TBCK: variants seen among roughly 807,000 people sequenced by gnomAD.
TBCK encodes the protein TBC domain-containing protein kinase-like protein.
TBCK carries 99 observed loss-of-function variants against 113.4 expected under a neutral mutation model. That is an observed-to-expected ratio of 0.87 (90% CI 0.74 to 1.03). The LOEUF (loss-of-function observed/expected upper bound fraction) is 1.03. Ranked by LOEUF, TBCK falls within the 50% of genes least tolerant of loss-of-function variation. The pLI, the probability that TBCK is intolerant of heterozygous loss-of-function variation, is 0.00. For missense variants in TBCK, 1,045 were observed against 1,061.3 expected (o/e 0.98, Z 0.21); for synonymous variants, 369 against 370.8 (o/e 1.00, Z 0.05).
chr4:106,161,074 C>T (rs1749725425), intron 23 of TBCK, among the ~76,000 whole-genome samples: 1 of 151,690 alleles, frequency 6.6e-6, no homozygotes, highest in African/African-American at 2.4e-5. Context: ...GGAATGGGTA[C>T]AGAGGTGCAG....
chr4:106,094,116 T>G (rs1740643790), intron 25 of TBCK, among the ~76,000 whole-genome samples: 1 of 152,228 alleles, frequency 6.6e-6, no homozygotes, highest in East Asian at 1.9e-4. Context: ...ATCAATAGCC[T>G]AGTTCCTTAC....
chr4:106,283,371 T>G (rs1370128430), intron 3 of TBCK, among the ~76,000 whole-genome samples: 1 of 152,142 alleles, frequency 6.6e-6, no homozygotes, highest in Non-Finnish European at 1.5e-5. Context: ...GGGGGAAAGA[T>G]ATCTTACTAC....
Position 106,138,164 on chromosome 4 carries a change from G to A in TBCK, c.2236-21786C>T, listed in dbSNP as rs1453826915. Among the ~76,000 whole-genome samples the A allele has an allele frequency of 1.4e-5, 2 of 140,884 alleles. 1 individual carries two copies. The highest frequency in any genetic ancestry group is 3.2e-5 in the Non-Finnish European group (2 of 62,028). 92.4% of individuals were successfully genotyped at this position (140,884 alleles called of 152,430 possible). On this transcript the variant is annotated intron_variant, in intron 23 of 25. Transcript: ENST00000394708. ...TGAATATCAATTATTTCCTCTAGTTGATCTGTAATGCCAGTATCAATTGCT... is the reference window on the plus strand; with the variant it reads ...TGAATATCAATTATTTCCTCTAGTTAATCTGTAATGCCAGTATCAATTGCT...
At chr4:106,062,582 G>C (rs1001711631) in intron 25 of TBCK, among the ~76,000 whole-genome samples, 19 of 151,990 alleles carry the variant, frequency 1.3e-4, no homozygotes, top group African/African-American at 4.3e-4. Flanking sequence ...GACTATGATG[G>C]ATCACAGCCA....
intron 12 of TBCK, 52 bp downstream of exon 12, chr4:106,242,418 T>C: frequency 2.2e-6 from 3 of 1,395,094 alleles, no homozygotes; most frequent in Non-Finnish European, 2.9e-6. Context: ...ATCTGTAAGG[T>C]TTTAATTAAA....
At chr4:106,273,619 G>A (rs1005392854) in intron 3 of TBCK, among the ~76,000 whole-genome samples, 11 of 152,142 alleles carry the variant, frequency 7.2e-5, no homozygotes, top group Non-Finnish European at 1.2e-4. Context: ...AATGTCGAGC[G>A]TTCTTATAAA....
In TBCK at chr4:106,262,185, A is replaced by C; in HGVS notation, c.294T>G (p.Phe98Leu). 1 of 1,547,922 alleles carries C rather than the reference A, an allele frequency of 6.5e-7. No individual in the cohort carries two copies. Among genetic ancestry groups the C allele is most frequent in the Non-Finnish European group, 8.7e-7 (1 of 1,144,442 alleles). The change falls in exon 4 of 26, where the codon TTT becomes TTG. Residue 98 changes from phenylalanine (F) to leucine (L), a missense_variant. By Grantham distance (22) the Phe-to-Leu change is conservative. Transcript: ENST00000394708. The stretch of plus-strand genomic sequence containing the variant: ...TATACTGCAAGCCCTGAAGAACCTC[A>C]AATGCTATACACAAAACCGTTGAAC... ...VSCSTVLCIAFEVLQGLQYMN... is the reference protein window; with the variant it reads ...VSCSTVLCIALEVLQGLQYMN...
chr4:106,251,321 T>C (rs1277303992), intron 6 of TBCK: 1 of 153,750 alleles, frequency 6.5e-6, no homozygotes, highest in African/African-American at 2.4e-5. Context: ...TAAGCTTATA[T>C]GATCATTTAA....
At chr4:106,181,137 CAT>C (rs1180373539) in intron 22 of TBCK, among the ~76,000 whole-genome samples, 16 of 152,242 alleles carry the variant, frequency 1.1e-4, no homozygotes, top group African/African-American at 3.6e-4. Context: ...AGCATTTTTT[CAT>C]ATGTCTGTTG....
At chr4:106,111,512 G>C (rs915169921) in intron 24 of TBCK, among the ~76,000 whole-genome samples, 1 of 152,182 alleles carries the variant, frequency 6.6e-6, no homozygotes, top group African/African-American at 2.4e-5. Context: ...ATTGGAAAGT[G>C]CTTCCTCAAG....
At chr4:106,068,109 T>A (rs562338332) in intron 25 of TBCK, among the ~76,000 whole-genome samples, 1 of 152,146 alleles carries the variant, frequency 6.6e-6, no homozygotes, top group Non-Finnish European at 1.5e-5. Context: ...CACATGAACA[T>A]GGGATGTCTA....
intron 22 of TBCK, among the ~76,000 whole-genome samples, chr4:106,191,862 A>G (rs1012887884): frequency 6.6e-6 from 1 of 152,168 alleles, no homozygotes; most frequent in African/African-American, 2.4e-5. Flanking sequence ...AGTGTTTAAT[A>G]AGGTTTGACA....
At chr4:106,180,550 C>G (rs1752234018) in intron 22 of TBCK, among the ~76,000 whole-genome samples, 1 of 151,972 alleles carries the variant, frequency 6.6e-6, no homozygotes. Context: ...CCACCCCGCA[C>G]AGGCCCCAAT....
intron 23 of TBCK, among the ~76,000 whole-genome samples, chr4:106,118,942 T>G (rs1578952201): frequency 6.6e-6 from 1 of 152,346 alleles, no homozygotes; most frequent in East Asian, 1.9e-4. Context: ...TAAAGAACTT[T>G]AATGTATACA....
chr4:106,072,928 C>T (rs866289824), intron 25 of TBCK, among the ~76,000 whole-genome samples: 1 of 152,182 alleles, frequency 6.6e-6, no homozygotes, highest in African/African-American at 2.4e-5. Context: ...AGCTCTCGTG[C>T]CATGGTTTTC....
rs770446183 is a variant in TBCK at position 106,230,397 on chromosome 4, G to A, written c.1740C>T (p.Asn580=). 3.1e-6 allele frequency: 5 copies of A among 1,603,134 alleles called. No individual in the cohort carries two copies. The South Asian group carries it at 5.6e-5, about 18-fold the overall frequency. ...MSAFIPKYLY[N]FFLKDNSHVI... ...CATGTGAGTTGTCTTTTAAGAAGAA[G>A]TTATACAGGTATTTGGGAATAAAAG... Residue 580 remains asparagine (N), a synonymous_variant, in exon 19 of 26, where the codon AAC becomes AAT. Transcript: ENST00000394708.
At chr4:106,163,203 T>G (rs1026265138) in intron 23 of TBCK, 9 of 152,398 alleles carry the variant, frequency 5.9e-5, no homozygotes, top group Non-Finnish European at 1.0e-4. Flanking sequence ...CATCTCCATC[T>G]GAGACCATCT....
chr4:106,069,794 T>A (rs9991091), intron 25 of TBCK, among the ~76,000 whole-genome samples: 42,685 of 152,060 alleles, frequency 0.28, 6,263 homozygotes, highest in Middle Eastern at 0.34. Context: ...TGTTCTTTCA[T>A]TTGTTTGTGT....
intron 23 of TBCK, among the ~76,000 whole-genome samples, chr4:106,152,693 G>A (rs928835706): frequency 5.9e-5 from 9 of 151,982 alleles, no homozygotes; most frequent in Non-Finnish European, 1.0e-4. Context: ...GAATTAAGAC[G>A]TGAGGCCACT....
Sources: allele counts gnomAD v4.1 joint callset (sites outside exome capture counted in the v4.1 genomes callset), GRCh38; gene constraint gnomAD v4.1.1; transcripts MANE v1.5; gene names NCBI Gene and HGNC (gene_info 2026-07-23, HGNC 2026-07-21).